NANOG: variants seen among roughly 807,000 people sequenced by gnomAD.
NANOG encodes the protein Nanog homeobox.
Under a neutral mutation model 17.7 loss-of-function variants are expected in NANOG, and 2 were observed. That is an observed-to-expected ratio of 0.11 (90% confidence interval 0.05 to 0.36). The LOEUF is 0.36. Ranked by LOEUF, NANOG falls within the 10% of genes least tolerant of loss-of-function variation. The pLI is 1.00. For missense variants in NANOG, 174 were observed against 362.1 expected, an observed-to-expected ratio of 0.48 and a Z score of 4.22; for synonymous variants, 81 against 124.7, an observed-to-expected ratio of 0.65 and a Z score of 2.33.
At chr12:7,790,998 G>T (rs1334952788) in intron 1 of NANOG, among the ~76,000 whole-genome samples, 4 of 152,084 alleles carry the variant, frequency 2.6e-5, no homozygotes, top group African/African-American at 7.2e-5. Context: ...TCCACCCTCA[G>T]CTTCCCAAGT....
chr12:7,796,183 G>T lies in NANOG; in HGVS notation c.*1088G>T, dbSNP rs1160048374. On this transcript the variant is annotated 3_prime_UTR_variant, in exon 4 of 4. Coordinates refer to ENST00000229307, the MANE Select transcript of NANOG (RefSeq NM_024865.4). ...GCCTGTAGTCCCAGCTATTTGGGAG[G>T]CTGAGGCAGGAGAATCGCTTGAACC... The T allele has an allele frequency of 1.3e-5, 2 of 152,222 alleles. No homozygotes were observed. Among genetic ancestry groups the T allele is most frequent in the Non-Finnish European group, 2.9e-5 (2 of 68,072 alleles). 9.4% of individuals were successfully genotyped at this position (152,222 alleles called of 1,614,324 possible). A position where few individuals can be genotyped will look rare whatever the true frequency, so the allele number is the denominator to read the frequency against.
chr12:7,794,401 T>G (rs1862887349), intron 2 of NANOG, 56 bp from the exon 3 acceptor site: 1 of 1,465,754 alleles, frequency 6.8e-7, no homozygotes, highest in African/African-American at 1.4e-5. Flanking sequence ...TATACTTTGA[T>G]TCAAAGTACC....
At chr12:7,791,668 G>A (rs778981031) in intron 1 of NANOG, among the ~76,000 whole-genome samples, 27 of 152,190 alleles carry the variant, frequency 1.8e-4, no homozygotes, top group African/African-American at 6.5e-4. Context: ...GAGCAATTAG[G>A]TATATAAGTG....
chr12:7,790,268 G>C (rs937149781), intron 1 of NANOG, among the ~76,000 whole-genome samples: 1 of 152,226 alleles, frequency 6.6e-6, no homozygotes, highest in East Asian at 1.9e-4. Flanking sequence ...TTCTATGTCA[G>C]TAACGGCTGT....
chr12:7,791,075 A>C (rs1862833964), intron 1 of NANOG, among the ~76,000 whole-genome samples: 1 of 150,776 alleles, frequency 6.6e-6, no homozygotes, highest in Non-Finnish European at 1.5e-5. Context: ...ACTATGCATT[A>C]ATGTTCTTGC....
intron 2 of NANOG, 59 bp downstream of exon 2, chr12:7,793,271 A>G: frequency 1.9e-6 from 3 of 1,557,250 alleles, no homozygotes; most frequent in Non-Finnish European, 2.6e-6. Context: ...TTGCATGGCT[A>G]AGACCTCTGT....
intron 1 of NANOG, among the ~76,000 whole-genome samples, chr12:7,790,259 T>C (rs1191613105): frequency 6.6e-6 from 1 of 152,232 alleles, no homozygotes; most frequent in Non-Finnish European, 1.5e-5. Flanking sequence ...GGTAATTCTT[T>C]CTATGTCAGT....
intron 2 of NANOG, 133 bp downstream of exon 2, chr12:7,793,345 T>C (rs1025139190): frequency 1.3e-6 from 1 of 769,996 alleles, no homozygotes; most frequent in Admixed American, 2.9e-5. Context: ...TTTATGAAGA[T>C]GAAATGCTTT....
rs952971204 is a variant in NANOG, at chr12:7,797,990, C to T, written c.*2895C>T. On this transcript the variant is annotated 3_prime_UTR_variant, in exon 4 of 4. Transcript: ENST00000229307. Reference sequence around the variant, plus strand: ...TCTGAACTTTTTTTTTTTTAATCACCCAGTATTAATCTTCAACCTCTTGGC... The same window carrying T: ...TCTGAACTTTTTTTTTTTTAATCACTCAGTATTAATCTTCAACCTCTTGGC... 6.6e-6 allele frequency: 1 copy of T among 151,448 alleles called. No individual in the cohort carries two copies. The highest frequency in any genetic ancestry group is 1.5e-5 in the Non-Finnish European group (1 of 67,988). 9.4% of individuals were successfully genotyped at this position (151,448 alleles called of 1,614,324 possible). A position where few individuals can be genotyped will look rare whatever the true frequency, so the allele number is the denominator to read the frequency against.
At chr12:7,792,338 G>A (rs1014246965) in intron 1 of NANOG, among the ~76,000 whole-genome samples, 2 of 152,160 alleles carry the variant, frequency 1.3e-5, no homozygotes, top group Admixed American at 6.6e-5. Flanking sequence ...TTAACACCCA[G>A]TGTGGGAGCT....
intron 1 of NANOG, among the ~76,000 whole-genome samples, chr12:7,791,320 A>G (rs890299899): frequency 6.6e-6 from 1 of 151,660 alleles, no homozygotes; most frequent in African/African-American, 2.4e-5. Context: ...TGTGTTGGCC[A>G]GGCTGGTCTC....
At chr12:7,789,817 G>A in intron 1 of NANOG, 52 bp downstream of exon 1, 2 of 1,564,774 alleles carry the variant, frequency 1.3e-6, no homozygotes, top group Non-Finnish European at 1.7e-6. Flanking sequence ...GGAAAAGAGA[G>A]AAGGAGAGAG....
chr12:7,793,316 C>CGTG (rs1862869944), intron 2 of NANOG, 104 bp downstream of exon 2: 1 of 1,070,336 alleles, frequency 9.3e-7, no homozygotes, highest in Non-Finnish European at 1.4e-6. Flanking sequence ...TGTGTCCGTA[C>CGTG]ATCGCCTCTT....
At chr12:7,791,431 G>A (rs924691575) in intron 1 of NANOG, among the ~76,000 whole-genome samples, 4 of 152,130 alleles carry the variant, frequency 2.6e-5, no homozygotes, top group African/African-American at 9.7e-5. Flanking sequence ...GTTTGGGAAT[G>A]AGCAAGTGGG....
intron 2 of NANOG, among the ~76,000 whole-genome samples, 175 bp downstream of exon 2, chr12:7,793,387 A>G (rs1463545466): frequency 3.3e-5 from 5 of 151,388 alleles, no homozygotes; most frequent in South Asian, 4.3e-4. Flanking sequence ...CTTTCCTTAA[A>G]TATTCTATTA....
intron 1 of NANOG, among the ~76,000 whole-genome samples, chr12:7,792,327 A>G (rs1862851844): frequency 1.3e-5 from 2 of 152,196 alleles, no homozygotes; most frequent in African/African-American, 4.8e-5. Flanking sequence ...ATTCTGACCT[A>G]TTAACACCCA....
At chr12:7,793,876 G>A (rs562537518) in intron 2 of NANOG, among the ~76,000 whole-genome samples, 21 of 151,030 alleles carry the variant, frequency 1.4e-4, no homozygotes, top group Admixed American at 2.6e-4. Context: ...CAAGTAGCTG[G>A]GATTACAGGC....
Position 7,789,764 on chromosome 12 carries a change from T to C in NANOG, c.150T>C (p.Thr50=). Reference sequence around the variant, plus strand: ...CTGCTGAGATGCCTCACACGGAGACTGGTAAGAAAGAAATTTATCCTTGAA... The same window carrying C: ...CTGCTGAGATGCCTCACACGGAGACCGGTAAGAAAGAAATTTATCCTTGAA... ...MSSAEMPHTE[T]VSPLPSSMDL... is the part of the protein sequence containing the mutation. The change falls in exon 1 of 4, where the codon ACT becomes ACC. Residue 50 remains threonine (T), a splice_region_variant and synonymous_variant. Coordinates refer to ENST00000229307, the MANE Select transcript of NANOG (RefSeq NM_024865.4). The C allele has an allele frequency of 6.2e-7, 1 of 1,612,762 alleles. No homozygotes were observed. Among genetic ancestry groups the C allele is most frequent in the Admixed American group, 1.7e-5 (1 of 59,986 alleles).
At position 7,799,015 on chromosome 12, in the gene NANOG, G is replaced by A. The variant is rs1168313636; in HGVS notation, c.*3920G>A. 1 of 151,392 alleles carries A rather than the reference G, an allele frequency of 6.6e-6. No individual in the cohort carries two copies. Among genetic ancestry groups the A allele is most frequent in the Non-Finnish European group, 1.5e-5 (1 of 67,918 alleles). 9.4% of individuals were successfully genotyped at this position (151,392 alleles called of 1,614,324 possible). A position where few individuals can be genotyped will look rare whatever the true frequency, so the allele number is the denominator to read the frequency against. On this transcript the variant is annotated 3_prime_UTR_variant, in exon 4 of 4. Transcript: ENST00000229307. ...AATGTAGGAATTTGAATGGGTTCCT[G>A]GGTGTGAGGTTGAAGTGAAACTTGA...
Sources: allele counts gnomAD v4.1 joint callset (sites outside exome capture counted in the v4.1 genomes callset), GRCh38; gene constraint gnomAD v4.1.1; transcripts MANE v1.5; gene names NCBI Gene and HGNC (gene_info 2026-07-23, HGNC 2026-07-21).